Variants in TYSND1 observed in about 807,000 individuals in gnomAD.
TYSND1 encodes the protein peroxisomal leader peptide-processing protease.
A neutral mutation model predicts 37.2 loss-of-function variants in TYSND1; 30 were observed. That is an observed-to-expected ratio of 0.81 (90% CI 0.60 to 1.09). The LOEUF is 1.09. Ranked by LOEUF, TYSND1 falls within the 50% of genes least tolerant of loss-of-function variation. The pLI is 0.00. For missense variants in TYSND1, 806 were observed against 817.4 expected (o/e 0.99, Z 0.17); for synonymous variants, 364 against 383.8 (o/e 0.95, Z 0.60).
Position 70,142,657 on chromosome 10 carries a change from G to C in TYSND1, c.1483+11C>G, listed in dbSNP as rs2292722. The stretch of plus-strand genomic sequence containing the variant: ...AGTGGGAGGGCGGGAGGGGGCCAAA[G>C]AGCTGGTTACCAAGGAGGTTTCCTG... On this transcript the variant is annotated intron_variant, in intron 3 of 3. Coordinates refer to ENST00000287078, the MANE Select transcript of TYSND1 (RefSeq NM_173555.4). 0.043 allele frequency: 66,333 copies of C among 1,552,376 alleles called. 1,550 individuals carry two copies. The highest frequency in any genetic ancestry group is 0.06 in the East Asian group (2,530 of 42,016).
At chr10:70,145,275 G>A (rs1839158663) in intron 1 of TYSND1, 146 bp downstream of exon 1, 1 of 737,074 alleles carries the variant, frequency 1.4e-6, no homozygotes, top group Non-Finnish European at 1.9e-6. Context: ...TAAAGGATGA[G>A]GGGAGGGTTC....
At position 70,146,341 on chromosome 10, in the gene TYSND1, G is replaced by C; in HGVS notation, c.246C>G (p.Arg82=). Residue 82 remains arginine, a synonymous_variant, in exon 1 of 4, where the codon CGC becomes CGG. Coordinates refer to ENST00000287078, the MANE Select transcript of TYSND1 (RefSeq NM_173555.4). ...LPGDSCRDDL[R]LHVQWAPTAA... ...CCGTTGGGGCCCACTGCACGTGCAGGCGCAGGTCGTCCCTGCAACTGTCGC... is the reference window on the plus strand; with the variant it reads ...CCGTTGGGGCCCACTGCACGTGCAGCCGCAGGTCGTCCCTGCAACTGTCGC... The C allele has an allele frequency of 6.5e-7, 1 of 1,537,964 alleles. No homozygotes were observed. Among genetic ancestry groups the C allele is most frequent in the Non-Finnish European group, 8.7e-7 (1 of 1,148,292 alleles).
At position 70,145,955 on chromosome 10, in the gene TYSND1, C is replaced by A. The variant is rs537619669; in HGVS notation, c.632G>T (p.Gly211Val). The change falls in exon 1 of 4, where the codon GGG (glycine) becomes GTG (valine). Residue 211 changes from glycine to valine, a missense_variant. This residue lies in a region of TYSND1 where 708 missense variants were observed against 705.4 expected (regional missense o/e 1.00). Coordinates refer to ENST00000287078, the MANE Select transcript of TYSND1 (RefSeq NM_173555.4). The part of the protein sequence containing the change: ...RGPAMAVSPL[G>V]AVPKGAPLLV... ...CAATGGCGCACCCTTGGGCACGGCC[C>A]CGAGAGGCGACACCGCCATGGCTGG... 4.2e-5 allele frequency: 66 copies of A among 1,557,410 alleles called. No individual in the cohort carries two copies. In the Middle Eastern group the frequency reaches 8.3e-4, roughly 20 times the overall value.
chr10:70,146,258 C>T lies in TYSND1; in HGVS notation c.329G>A (p.Cys110Tyr), dbSNP rs974292255. Residue 110 changes from cysteine to tyrosine, a missense_variant, in exon 1 of 4, where the codon TGC (cysteine) becomes TAC (tyrosine). Coordinates refer to ENST00000287078, the MANE Select transcript of TYSND1 (RefSeq NM_173555.4). ...RGRPGLCTPQ[C>Y]ASLEPGPPAP... ...AGGTGGGCCGGGCTCGAGGCTCGCG[C>T]ACTGGGGCGTGCACAGCCCTGGGCG... 1 of 1,480,044 alleles carries T rather than the reference C, an allele frequency of 6.8e-7. No individual in the cohort carries two copies. The highest frequency in any genetic ancestry group is 8.9e-7 in the Non-Finnish European group (1 of 1,123,678). 91.7% of individuals were successfully genotyped at this position (1,480,044 alleles called of 1,614,324 possible).
Position 70,143,725 on chromosome 10 carries a change from A to G in TYSND1, c.1297+117T>C, listed in dbSNP as rs1483863692. ...AGCACAAAAAGGGAGGCAGGCCTCC[A>G]AGGACCTTGACCAATGCTACCCTGA... On this transcript the variant is annotated intron_variant, in intron 2 of 3. Coordinates refer to ENST00000287078, the MANE Select transcript of TYSND1 (RefSeq NM_173555.4). The G allele has an allele frequency of 3.5e-5, 46 of 1,326,338 alleles. No homozygotes were observed. In the East Asian group the frequency reaches 8.7e-4, roughly 25 times the overall value. 82.2% of individuals were successfully genotyped at this position (1,326,338 alleles called of 1,614,324 possible).
In TYSND1 at chr10:70,138,007, A is replaced by T. The variant is rs901787879; in HGVS notation, c.*1917T>A. On this transcript the variant is annotated 3_prime_UTR_variant, in exon 4 of 4. Coordinates refer to ENST00000287078, the MANE Select transcript of TYSND1 (RefSeq NM_173555.4). Reference sequence around the variant, plus strand: ...TATGTTTACCGGTTTATTATAAAGGATATCGCAAAGGATACAGATGAAGAG... The same window carrying T: ...TATGTTTACCGGTTTATTATAAAGGTTATCGCAAAGGATACAGATGAAGAG... The T allele has an allele frequency of 3.3e-5, 5 of 152,216 alleles. No individual in the cohort carries two copies. Among genetic ancestry groups the T allele is most frequent in the Non-Finnish European group, 7.3e-5 (5 of 68,042 alleles). The allele number at this position is 152,216 out of a possible 1,614,324, so 9.4% of individuals were successfully genotyped here. A position where few individuals can be genotyped will look rare whatever the true frequency, so the allele number is the denominator to read the frequency against.
intron 3 of TYSND1, 65 bp from the exon 4 acceptor site, chr10:70,140,206 G>A (rs1447425313): frequency 2.9e-6 from 4 of 1,392,754 alleles, no homozygotes; most frequent in Non-Finnish European, 4.0e-6. Flanking sequence ...GAGAAGGGAG[G>A]AGGACCATCT....
chr10:70,143,455 C>G (rs1350664785), intron 2 of TYSND1, among the ~76,000 whole-genome samples: 1 of 152,212 alleles, frequency 6.6e-6, no homozygotes, highest in African/African-American at 2.4e-5. Context: ...TCCAGAGCCC[C>G]TGGACCCTTC....
rs1483333461 is a variant in TYSND1 at position 70,139,597 on chromosome 10, G to C, written c.*327C>G. ...CAGGCACGGGCCTGCCTTCCAGCTG[G>C]AATCTACCTGTCAGGCCCAGAACTT... On this transcript the variant is annotated 3_prime_UTR_variant, in exon 4 of 4. Coordinates refer to ENST00000287078, the MANE Select transcript of TYSND1 (RefSeq NM_173555.4). 8.3e-6 allele frequency: 2 copies of C among 242,358 alleles called. No homozygotes were observed. The highest frequency in any genetic ancestry group is 2.2e-5 in the African/African-American group (1 of 44,708). 15.0% of individuals were successfully genotyped at this position (242,358 alleles called of 1,614,324 possible).
chr10:70,143,656 G>T (rs1402737367), intron 2 of TYSND1, among the ~76,000 whole-genome samples, 186 bp downstream of exon 2: 2 of 152,198 alleles, frequency 1.3e-5, no homozygotes, highest in East Asian at 1.9e-4. Flanking sequence ...TCGGGGAAAG[G>T]GCGTGCAGCA....
intron 3 of TYSND1, 116 bp from the exon 4 acceptor site, chr10:70,140,257 C>CGTGGGGTGGTA: frequency 1.3e-6 from 1 of 781,994 alleles, no homozygotes; most frequent in Non-Finnish European, 2.0e-6. Context: ...CTGGATACCA[C>CGTGGGGTGGTA]CCCACGTGGT....
rs778572685 is a variant in TYSND1, at chr10:70,142,805, C to G, written c.1346G>C (p.Gly449Ala). 6.2e-7 allele frequency: 1 copy of G among 1,614,080 alleles called. No individual in the cohort carries two copies. The highest frequency in any genetic ancestry group is 8.5e-7 in the Non-Finnish European group (1 of 1,180,014). Reference protein sequence around the residue: ...VGFGVFGQSCGPSVTSGILSA... With the variant: ...VGFGVFGQSCAPSVTSGILSA... Reference sequence around the variant, plus strand: ...AAGGATGCCTGAGGTCACCGAGGGCCCGCAAGACTGGCCAAAGACGCCAAA... The same window carrying G: ...AAGGATGCCTGAGGTCACCGAGGGCGCGCAAGACTGGCCAAAGACGCCAAA... The change falls in exon 3 of 4, where the codon GGG becomes GCG. Residue 449 changes from glycine to alanine, a missense_variant. Gly to Ala is a moderately conservative substitution (Grantham distance 60). Around this residue, in one of 3 missense-constraint regions of TYSND1, gnomAD observed 708 missense variants for 705.4 expected, o/e 1.00. Coordinates refer to ENST00000287078, the MANE Select transcript of TYSND1 (RefSeq NM_173555.4).
In TYSND1 at chr10:70,145,733, C is replaced by G; in HGVS notation, c.854G>C (p.Trp285Ser). Residue 285 changes from tryptophan to serine, a missense_variant, in exon 1 of 4, where the codon TGG (tryptophan) becomes TCG (serine). By Grantham distance (177) the Trp-to-Ser change is radical (BLOSUM62 -3). This residue lies in a region of TYSND1 where 708 missense variants were observed against 705.4 expected (regional missense o/e 1.00). Coordinates refer to ENST00000287078, the MANE Select transcript of TYSND1 (RefSeq NM_173555.4). Reference protein sequence around the residue: ...LVALVVAPLCWKAGEWVGFTL... With the variant: ...LVALVVAPLCSKAGEWVGFTL... ...GAAGCCCACCCATTCGCCGGCCTTC[C>G]AACAGAGCGGCGCCACCACCAGCGC... 1 of 1,425,204 alleles carries G rather than the reference C, an allele frequency of 7.0e-7. No homozygotes were observed. The highest frequency in any genetic ancestry group is 9.1e-7 in the Non-Finnish European group (1 of 1,099,722). The allele number at this position is 1,425,204 out of a possible 1,614,324, so 88.3% of individuals were successfully genotyped here. A position where few individuals can be genotyped will look rare whatever the true frequency, so the allele number is the denominator to read the frequency against.
rs1321199030 is a variant in TYSND1, at chr10:70,138,181, T to C, written c.*1743A>G. 2.0e-5 allele frequency: 3 copies of C among 152,122 alleles called. No homozygotes were observed. Among genetic ancestry groups the C allele is most frequent in the Non-Finnish European group, 2.9e-5 (2 of 68,026 alleles). 9.4% of individuals were successfully genotyped at this position (152,122 alleles called of 1,614,324 possible). ...CTCTTGGGTTTTTATGGAAGGTTCA[T>C]GACATCAACATTCCTTCCCCTAGGA... On this transcript the variant is annotated 3_prime_UTR_variant, in exon 4 of 4. Coordinates refer to ENST00000287078, the MANE Select transcript of TYSND1 (RefSeq NM_173555.4).
In TYSND1 at chr10:70,146,519, C is replaced by G. The variant is rs1360376416; in HGVS notation, c.68G>C (p.Arg23Pro). The G allele has an allele frequency of 6.3e-7, 1 of 1,588,354 alleles. No homozygotes were observed. The highest frequency in any genetic ancestry group is 8.5e-7 in the Non-Finnish European group (1 of 1,174,332). Reference sequence around the variant, plus strand: ...CGGGCCCGCCTCGGGCTGTCCGGCCCGGGAGGCGCTCACCATGCAGCCCGC... The same window carrying G: ...CGGGCCCGCCTCGGGCTGTCCGGCCGGGGAGGCGCTCACCATGCAGCCCGC... ...EQAGCMVSAS[R>P]AGQPEAGPWS... The change falls in exon 1 of 4, where the codon CGG becomes CCG. Residue 23 changes from arginine to proline, a missense_variant. This residue lies in a region of TYSND1 where 84 missense variants were observed against 79.0 expected (regional missense o/e 1.06). Coordinates refer to ENST00000287078, the MANE Select transcript of TYSND1 (RefSeq NM_173555.4).
In TYSND1 at chr10:70,145,578, G is replaced by A. The variant is rs1022892968; in HGVS notation, c.1009C>T (p.Arg337Ter). The change falls in exon 1 of 4, where the codon CGA becomes TGA. Residue 337 changes from arginine (R) to a stop codon, truncating the protein, a stop_gained. Coordinates refer to ENST00000287078, the MANE Select transcript of TYSND1 (RefSeq NM_173555.4). LOFTEE classifies it high-confidence loss of function. ...EVGVPWGLPLRDSGPLWAAAA... is the reference protein window; with the variant it reads ...EVGVPWGLPL ...GCTGCCCACAGGGGCCCGGAGTCTCGGAGGGGCAGACCCCACGGGACGCCC... is the reference window on the plus strand; with the variant it reads ...GCTGCCCACAGGGGCCCGGAGTCTCAGAGGGGCAGACCCCACGGGACGCCC... 4.7e-6 allele frequency: 7 copies of A among 1,475,632 alleles called. No individual in the cohort carries two copies. Among genetic ancestry groups the A allele is most frequent in the African/African-American group, 4.4e-5 (3 of 68,638 alleles). 91.4% of individuals were successfully genotyped at this position (1,475,632 alleles called of 1,614,324 possible).
rs969346185 is a variant in TYSND1, at chr10:70,146,392, G to A, written c.195C>T (p.Thr65=). Reference sequence around the variant, plus strand: ...CAGGCAGGAAGACGGCGCCGGCCGCGGTCAGGACTTCGCTGCCAGCTCGCA... The same window carrying A: ...CAGGCAGGAAGACGGCGCCGGCCGCAGTCAGGACTTCGCTGCCAGCTCGCA... The part of the protein sequence containing the change: ...PFLRAGSEVL[T]AAGAVFLPGD... The change falls in exon 1 of 4, where the codon ACC becomes ACT. Residue 65 remains threonine, a synonymous_variant. Transcript: ENST00000287078. 3 of 1,584,722 alleles carry A rather than the reference G, an allele frequency of 1.9e-6. No homozygotes were observed. Among genetic ancestry groups the A allele is most frequent in the African/African-American group, 2.7e-5 (2 of 74,642 alleles).
Position 70,145,978 on chromosome 10 carries a change from T to G in TYSND1, c.609A>C (p.Pro203=), listed in dbSNP as rs1265079757. Residue 203 remains proline, a synonymous_variant, in exon 1 of 4, where the codon CCA becomes CCC. Transcript: ENST00000287078. The part of the protein sequence containing the change: ...GQEEVEEERG[P]AMAVSPLGAV... Reference sequence around the variant, plus strand: ...CCCCGAGAGGCGACACCGCCATGGCTGGCCCGCGCTCCTCCTCCACCTCCT... The same window carrying G: ...CCCCGAGAGGCGACACCGCCATGGCGGGCCCGCGCTCCTCCTCCACCTCCT... 2.5e-6 allele frequency: 4 copies of G among 1,568,962 alleles called. No homozygotes were observed. The highest frequency in any genetic ancestry group is 2.6e-6 in the Non-Finnish European group (3 of 1,158,462).
rs1459019496 is a variant in TYSND1, at chr10:70,143,929, T to C, written c.1210A>G (p.Thr404Ala). The change falls in exon 2 of 4, where the codon ACA becomes GCA. Residue 404 changes from threonine to alanine, a missense_variant. This residue lies in a region of TYSND1 where 708 missense variants were observed against 705.4 expected (regional missense o/e 1.00). Coordinates refer to ENST00000287078, the MANE Select transcript of TYSND1 (RefSeq NM_173555.4). ...ACCACTGCTATGTCATAGGGACATGTCTCCTGAGTGGCAAATACCACACGG... is the reference window on the plus strand; with the variant it reads ...ACCACTGCTATGTCATAGGGACATGCCTCCTGAGTGGCAAATACCACACGG... ...WGRVVFATQE[T>A]CPYDIAVVSL... The C allele has an allele frequency of 1.2e-6, 2 of 1,614,080 alleles. No homozygotes were observed. Among genetic ancestry groups the C allele is most frequent in the Non-Finnish European group, 1.7e-6 (2 of 1,180,036 alleles).
Sources: gnomAD v4.1 joint callset for allele counts (sites outside exome capture counted in the v4.1 genomes callset) on GRCh38, gnomAD v4.1.1 for gene constraint, gnomAD v4.1.1 regional missense constraint, MANE v1.5 for transcripts, NCBI Gene and HGNC (gene_info 2026-07-23, HGNC 2026-07-21) for gene names.